CRY1: variants seen among roughly 807,000 people sequenced by gnomAD.
CRY1 encodes cryptochrome-1.
Under a neutral mutation model 76.0 loss-of-function variants are expected in CRY1, and 45 were observed. The ratio of observed to expected loss-of-function variants is 0.59; its 90% CI spans 0.47 to 0.76. The LOEUF is 0.76. Among genes scored for constraint, CRY1 ranks in the 30% least tolerant of loss-of-function variants. CRY1 has a pLI of 0.00. For missense variants in CRY1, 587 were observed against 716.4 expected (o/e 0.82, Z 2.06); for synonymous variants, 248 against 244.0 (o/e 1.02, Z -0.15).
Position 107,000,147 on chromosome 12 carries a change from A to G in CRY1, c.685-65T>C, listed in dbSNP as rs1317703820. The G allele has an allele frequency of 1.3e-5, 19 of 1,487,570 alleles. No homozygotes were observed. The East Asian group carries it at 4.2e-4, about 33-fold the overall frequency. The allele number at this position is 1,487,570 out of a possible 1,614,324, so 92.1% of individuals were successfully genotyped here. ...TTTTCATTTTAAAAGAACACTCAGAATGGAGATTTTTTTTTTTAAAGTTAC... is the reference window on the plus strand; with the variant it reads ...TTTTCATTTTAAAAGAACACTCAGAGTGGAGATTTTTTTTTTTAAAGTTAC... On this transcript the variant is annotated intron_variant, in intron 5 of 12. Coordinates refer to ENST00000008527, the MANE Select transcript of CRY1 (RefSeq NM_004075.5).
In CRY1 at chr12:107,093,029, C is replaced by T. The variant is rs1345117480; in HGVS notation, c.-68G>A. ...GGAGGCTCCGGCTCATAGCCGACAC[C>T]TTCGCTTCCAAGAGAATTGCCTCAC... On this transcript the variant is annotated 5_prime_UTR_variant, in exon 1 of 13. Coordinates refer to ENST00000008527, the MANE Select transcript of CRY1 (RefSeq NM_004075.5). The T allele has an allele frequency of 3.5e-6, 5 of 1,437,682 alleles. No homozygotes were observed. Among genetic ancestry groups the T allele is most frequent in the Non-Finnish European group, 4.6e-6 (5 of 1,098,764 alleles). The allele number at this position is 1,437,682 out of a possible 1,614,324, so 89.1% of individuals were successfully genotyped here.
chr12:107,039,734 A>C (rs1952776972), intron 1 of CRY1, among the ~76,000 whole-genome samples: 1 of 152,230 alleles, frequency 6.6e-6, no homozygotes, highest in Non-Finnish European at 1.5e-5. Context: ...TGGTGTGATC[A>C]GTGTAGAAAA....
At chr12:107,011,128 C>T (rs928435631) in intron 2 of CRY1, among the ~76,000 whole-genome samples, 24 of 152,052 alleles carry the variant, frequency 1.6e-4, no homozygotes, top group African/African-American at 4.8e-4. Context: ...GGGCGGATCA[C>T]GAGGTCAGGA....
At chr12:107,056,485 T>C (rs1388512993) in intron 1 of CRY1, among the ~76,000 whole-genome samples, 1 of 152,118 alleles carries the variant, frequency 6.6e-6, no homozygotes, top group Non-Finnish European at 1.5e-5. Context: ...GCCCAACCTG[T>C]GGCCTGCGGG....
intron 1 of CRY1, among the ~76,000 whole-genome samples, chr12:107,045,475 T>G (rs138372553): frequency 9.7e-4 from 148 of 152,288 alleles, no homozygotes; most frequent in African/African-American, 3.5e-3. Flanking sequence ...ATGGCCAACG[T>G]GGCGAAACCC....
intron 1 of CRY1, among the ~76,000 whole-genome samples, chr12:107,037,298 A>G (rs1952745188): frequency 6.6e-6 from 1 of 152,148 alleles, no homozygotes; most frequent in South Asian, 2.1e-4. Flanking sequence ...TTTGGGGGCC[A>G]AGGCAGGTGG....
chr12:107,000,145 G>T, intron 5 of CRY1, 63 bp from the exon 6 acceptor site: 1 of 1,482,956 alleles, frequency 6.7e-7, no homozygotes, highest in South Asian at 1.4e-5. Flanking sequence ...AGAACACTCA[G>T]AATGGAGATT....
intron 1 of CRY1, among the ~76,000 whole-genome samples, chr12:107,053,270 A>C (rs912004036): frequency 1.4e-4 from 21 of 152,332 alleles, no homozygotes; most frequent in Admixed American, 3.3e-4. Context: ...GAGATGGAAA[A>C]TATGAAGAAA....
chr12:107,045,069 A>G (rs758375585), intron 1 of CRY1, among the ~76,000 whole-genome samples: 14 of 152,158 alleles, frequency 9.2e-5, no homozygotes, highest in Non-Finnish European at 1.9e-4. Context: ...CTCACGGCAC[A>G]TTACAGTCAA....
chr12:107,009,555 C>CAACAAAAA (rs1275844153), intron 2 of CRY1, among the ~76,000 whole-genome samples: 3 of 32,176 alleles, frequency 9.3e-5, no homozygotes, highest in Admixed American at 4.4e-4. Context: ...AACAAAAAAA[C>CAACAAAAA]AAAAAAACAT....
chr12:107,067,895 G>C (rs182749892), intron 1 of CRY1, among the ~76,000 whole-genome samples: 47 of 152,310 alleles, frequency 3.1e-4, no homozygotes, highest in African/African-American at 9.1e-4. Context: ...TATTCCATAA[G>C]AACAAGAGCT....
intron 1 of CRY1, among the ~76,000 whole-genome samples, chr12:107,044,356 T>C (rs992213659): frequency 5.3e-5 from 8 of 152,292 alleles, no homozygotes; most frequent in Admixed American, 6.5e-5. Flanking sequence ...CTGCAGCTGC[T>C]GCCGCCACAA....
chr12:107,039,576 A>G (rs1377639484), intron 1 of CRY1, among the ~76,000 whole-genome samples: 2 of 152,246 alleles, frequency 1.3e-5, no homozygotes, highest in Non-Finnish European at 2.9e-5. Flanking sequence ...TGATGTTCAC[A>G]TCACAAATCA....
intron 1 of CRY1, among the ~76,000 whole-genome samples, chr12:107,051,110 G>A (rs945654131): frequency 1.3e-5 from 2 of 152,132 alleles, no homozygotes; most frequent in African/African-American, 4.8e-5. Flanking sequence ...GTCATGGACT[G>A]AAAACAAATT....
At chr12:107,076,630 A>C (rs935939592) in intron 1 of CRY1, among the ~76,000 whole-genome samples, 19 of 151,954 alleles carry the variant, frequency 1.3e-4, no homozygotes, top group African/African-American at 3.9e-4. Context: ...AAAAAAAAAA[A>C]AAAAACCTCT....
chr12:107,036,295 T>C (rs534619119), intron 1 of CRY1, among the ~76,000 whole-genome samples: 8 of 152,338 alleles, frequency 5.3e-5, no homozygotes, highest in African/African-American at 1.4e-4. Context: ...CCTTGACCTC[T>C]CTTTCTTTCA....
At chr12:106,997,124 T>C (rs1244690682) in intron 10 of CRY1, among the ~76,000 whole-genome samples, 170 bp downstream of exon 10, 2 of 152,220 alleles carry the variant, frequency 1.3e-5, no homozygotes, top group Non-Finnish European at 2.9e-5. Context: ...ATGTCATCAA[T>C]GGAGTGAAGA....
In CRY1 at chr12:107,092,866, G is replaced by A. The variant is rs1277775029; in HGVS notation, c.96C>T (p.Arg32=). ...ACCAGGGGTCCAGGATGTAGACGCA[G>A]CGGATGGTGTCGGCGCCCTGAATGC... ...KECIQGADTI[R]CVYILDPWFA... Residue 32 remains arginine (R), a synonymous_variant, in exon 1 of 13, where the codon CGC becomes CGT. Transcript: ENST00000008527. The A allele has an allele frequency of 3.1e-6, 5 of 1,611,086 alleles. No homozygotes were observed. In the South Asian group the frequency reaches 5.5e-5, roughly 18 times the overall value.
intron 1 of CRY1, among the ~76,000 whole-genome samples, chr12:107,079,705 C>T (rs1371897846): frequency 6.6e-6 from 1 of 152,008 alleles, no homozygotes; most frequent in East Asian, 1.9e-4. Context: ...TCCCTCCATG[C>T]CTTGCTTATT....
Sources: allele counts gnomAD v4.1 joint callset (sites outside exome capture counted in the v4.1 genomes callset), GRCh38; gene constraint gnomAD v4.1.1; transcripts MANE v1.5; gene names NCBI Gene and HGNC (gene_info 2026-07-23, HGNC 2026-07-21).